Variants in KPNA1 observed in about 807,000 individuals in gnomAD.
KPNA1 encodes the protein karyopherin subunit alpha 1, also known as importin subunit alpha-5.
In KPNA1, 10 loss-of-function variants were observed where a neutral mutation model predicts 70.5. The ratio of observed to expected loss-of-function variants is 0.14; its 90% CI spans 0.09 to 0.24. The LOEUF (loss-of-function observed/expected upper bound fraction) is 0.24. KPNA1 is among the 10% of genes least tolerant of loss of function. The pLI is 1.00. For synonymous variants in KPNA1, 192 were observed against 221.9 expected (o/e 0.87, Z 1.20); for missense variants, 397 against 637.9 (o/e 0.62, Z 4.07).
At chr3:122,486,257 G>C (rs1380695892) in intron 2 of KPNA1, among the ~76,000 whole-genome samples, 1 of 152,180 alleles carries the variant, frequency 6.6e-6, no homozygotes, top group Non-Finnish European at 1.5e-5. Context: ...TAAACCAGTT[G>C]TTGTTTATCC....
intron 1 of KPNA1, among the ~76,000 whole-genome samples, chr3:122,500,004 CTATTCAGATTGTCTG>C (rs2076808376): frequency 6.6e-6 from 1 of 152,176 alleles, no homozygotes; most frequent in Non-Finnish European, 1.5e-5. Flanking sequence ...TGTTACAGGT[CTATTCAGATTGTCTG>C]TTCCTCTTAT....
At chr3:122,477,948 T>C (rs949086221) in intron 2 of KPNA1, among the ~76,000 whole-genome samples, 7 of 150,670 alleles carry the variant, frequency 4.6e-5, no homozygotes, top group African/African-American at 1.5e-4. Flanking sequence ...GGGATCATGA[T>C]GTCAGGAGAT....
At chr3:122,482,350 CATAGTT>C (rs1316217456) in intron 2 of KPNA1, among the ~76,000 whole-genome samples, 1 of 152,178 alleles carries the variant, frequency 6.6e-6, no homozygotes, top group African/African-American at 2.4e-5. Context: ...CTGATGGAAA[CATAGTT>C]ATATAGTACA....
intron 5 of KPNA1, among the ~76,000 whole-genome samples, chr3:122,458,296 A>G (rs1233090817): frequency 6.6e-6 from 1 of 152,202 alleles, no homozygotes; most frequent in Non-Finnish European, 1.5e-5. Context: ...CAAGGGCTCA[A>G]GTCTATCTGA....
Position 122,427,112 on chromosome 3 carries a change from A to T in KPNA1, c.1490T>A (p.Phe497Tyr). The T allele has an allele frequency of 1.2e-6, 2 of 1,614,134 alleles. No homozygotes were observed. Among genetic ancestry groups the T allele is most frequent in the Non-Finnish European group, 1.7e-6 (2 of 1,179,996 alleles). The change falls in exon 14 of 14, where the codon TTT (phenylalanine) becomes TAT (tyrosine). Residue 497 changes from phenylalanine (F) to tyrosine (Y), a missense_variant. Phe to Tyr is a conservative substitution (Grantham distance 22). Coordinates refer to ENST00000344337, the MANE Select transcript of KPNA1 (RefSeq NM_002264.4). ...CCCGAAGTAATGCTCAATAAGATCAAAGGCCTTTTGGTAGATCTCCTGGTT... is the reference window on the plus strand; with the variant it reads ...CCCGAAGTAATGCTCAATAAGATCATAGGCCTTTTGGTAGATCTCCTGGTT... ...HENQEIYQKA[F>Y]DLIEHYFGTE... is the part of the protein sequence containing the mutation.
chr3:122,470,439 G>C (rs529330524), intron 2 of KPNA1, among the ~76,000 whole-genome samples: 2 of 152,098 alleles, frequency 1.3e-5, no homozygotes, highest in African/African-American at 2.4e-5. Flanking sequence ...GTGAACCCGG[G>C]GGGTGGAGCT....
At chr3:122,499,679 A>G (rs566134075) in intron 1 of KPNA1, among the ~76,000 whole-genome samples, 9 of 151,774 alleles carry the variant, frequency 5.9e-5, no homozygotes, top group African/African-American at 2.2e-4. Context: ...GGATGGCTTG[A>G]GTCCAGCAGT....
chr3:122,461,548 C>T (rs941377546), intron 4 of KPNA1, among the ~76,000 whole-genome samples: 5 of 152,084 alleles, frequency 3.3e-5, no homozygotes, highest in African/African-American at 9.7e-5. Flanking sequence ...GGGAAAAATT[C>T]TTAAAAATTA....
intron 2 of KPNA1, among the ~76,000 whole-genome samples, chr3:122,476,202 T>C (rs2076495971): frequency 6.6e-6 from 1 of 152,192 alleles, no homozygotes; most frequent in Admixed American, 6.6e-5. Flanking sequence ...GAACAGTCTC[T>C]TCAATAAATG....
rs1345991950 is a variant in KPNA1, at chr3:122,470,806, C to T, written c.130-3377G>A. 2.0e-5 allele frequency among the ~76,000 whole-genome samples: 3 copies of T among 151,176 alleles called. No homozygotes were observed. The East Asian group carries it at 5.8e-4, about 29-fold the overall frequency. ...ATCATATAAAATGCTCAATTAAAAC[C>T]ACAAAGGCAGAAAAAGAGTGAAAGA... On this transcript the variant is annotated intron_variant, in intron 2 of 13. Transcript: ENST00000344337.
At position 122,423,830 on chromosome 3, in the gene KPNA1, A is replaced by G. The variant is rs1489545237; in HGVS notation, c.*3155T>C. On this transcript the variant is annotated 3_prime_UTR_variant, in exon 14 of 14. Transcript: ENST00000344337. ...TTTATCTGTGACGATAATGCCAAAA[A>G]TGACTCAGAGCCAATAACCTTCATC... 6.6e-6 allele frequency: 1 copy of G among 152,634 alleles called. No homozygotes were observed. Among genetic ancestry groups the G allele is most frequent in the East Asian group, 1.9e-4 (1 of 5,208 alleles). The allele number at this position is 152,634 out of a possible 1,614,324, so 9.5% of individuals were successfully genotyped here. A position where few individuals can be genotyped will look rare whatever the true frequency, so the allele number is the denominator to read the frequency against.
intron 2 of KPNA1, among the ~76,000 whole-genome samples, chr3:122,467,829 T>C (rs1297805307): frequency 6.6e-6 from 1 of 152,210 alleles, no homozygotes; most frequent in Non-Finnish European, 1.5e-5. Context: ...AATGACTTAA[T>C]ACTTCCCTCC....
chr3:122,477,102 A>G (rs1041695195), intron 2 of KPNA1, among the ~76,000 whole-genome samples: 13 of 152,180 alleles, frequency 8.5e-5, no homozygotes, highest in African/African-American at 2.7e-4. Context: ...CTTAAAAATG[A>G]AAGAAATCCT....
intron 1 of KPNA1, among the ~76,000 whole-genome samples, chr3:122,514,216 C>A (rs2076989170): frequency 6.6e-6 from 1 of 152,166 alleles, no homozygotes; most frequent in African/African-American, 2.4e-5. Flanking sequence ...CGTCTCCACC[C>A]CCCGCTTCCC....
In KPNA1 at chr3:122,462,822, G is replaced by C. The variant is rs543599501; in HGVS notation, c.337+1120C>G. Among the ~76,000 whole-genome samples, 4 of 152,080 alleles carry C rather than the reference G, an allele frequency of 2.6e-5. No homozygotes were observed. In the East Asian group the frequency reaches 7.7e-4, roughly 29 times the overall value. On this transcript the variant is annotated intron_variant, in intron 4 of 13. Coordinates refer to ENST00000344337, the MANE Select transcript of KPNA1 (RefSeq NM_002264.4). The stretch of plus-strand genomic sequence containing the variant: ...CTAAACAACCATAACTTAATACTGG[G>C]GGGTTTAAGTATTTACTACCAACGT...
Position 122,426,835 on chromosome 3 carries a change from A to T in KPNA1, c.*150T>A. On this transcript the variant is annotated 3_prime_UTR_variant, in exon 14 of 14. Coordinates refer to ENST00000344337, the MANE Select transcript of KPNA1 (RefSeq NM_002264.4). ...AGCCGGAGGTTTTCCAGATGTGTGT[A>T]AGAGAGCAGGTGCGCAAGGCAAGCA... The T allele has an allele frequency of 1.7e-6, 1 of 603,036 alleles. No homozygotes were observed. The highest frequency in any genetic ancestry group is 2.9e-6 in the Non-Finnish European group (1 of 347,582). 37.4% of individuals were successfully genotyped at this position (603,036 alleles called of 1,614,324 possible).
intron 1 of KPNA1, among the ~76,000 whole-genome samples, chr3:122,500,709 TG>T (rs2076818729): frequency 6.6e-6 from 1 of 151,976 alleles, no homozygotes; most frequent in South Asian, 2.1e-4. Flanking sequence ...TCTCACCATG[TG>T]GGCAACTGGT....
intron 10 of KPNA1, among the ~76,000 whole-genome samples, chr3:122,438,384 T>G (rs1191744625): frequency 6.9e-6 from 1 of 143,954 alleles, no homozygotes; most frequent in Non-Finnish European, 1.5e-5. Flanking sequence ...TCGGTATTTC[T>G]TTTTTGTTTT....
In KPNA1 at chr3:122,425,438, G is replaced by A. The variant is rs2075809639; in HGVS notation, c.*1547C>T. On this transcript the variant is annotated 3_prime_UTR_variant, in exon 14 of 14. Transcript: ENST00000344337. The stretch of plus-strand genomic sequence containing the variant: ...GTTTAAAAGGGTATGCTCTGAAACA[G>A]AGGTGAGCAACCTTTTCCTTCAGAA... 1 of 152,622 alleles carries A rather than the reference G, an allele frequency of 6.6e-6. No individual in the cohort carries two copies. The highest frequency in any genetic ancestry group is 1.5e-5 in the Non-Finnish European group (1 of 68,038). The allele number at this position is 152,622 out of a possible 1,614,324, so 9.5% of individuals were successfully genotyped here. A position where few individuals can be genotyped will look rare whatever the true frequency, so the allele number is the denominator to read the frequency against.
Sources: gnomAD v4.1 joint callset for allele counts (sites outside exome capture counted in the v4.1 genomes callset) on GRCh38, gnomAD v4.1.1 for gene constraint, MANE v1.5 for transcripts, NCBI Gene and HGNC (gene_info 2026-07-23, HGNC 2026-07-21) for gene names.